CADPS: variants seen among roughly 807,000 people sequenced by gnomAD.
CADPS encodes calcium-dependent secretion activator 1.
CADPS carries 57 observed loss-of-function variants against 167.3 expected under a neutral mutation model. The observed-to-expected ratio is 0.34, with a 90% CI of 0.28 to 0.42. CADPS has a LOEUF of 0.42. Ranked by LOEUF, CADPS falls within the 20% of genes least tolerant of loss-of-function variation. The pLI is 1.00. For synonymous variants in CADPS, 676 were observed against 635.3 expected, an observed-to-expected ratio of 1.06 and a Z score of -0.96; for missense variants, 1,414 against 1,738.1, an observed-to-expected ratio of 0.81 and a Z score of 3.32.
chr3:62,485,692 C>T (rs748514084), intron 21 of CADPS, among the ~76,000 whole-genome samples: 70 of 152,126 alleles, frequency 4.6e-4, no homozygotes, highest in Non-Finnish European at 7.8e-4. Context: ...GGTTCTTTAA[C>T]AAATATGGCA....
intron 1 of CADPS, among the ~76,000 whole-genome samples, chr3:62,828,060 T>A (rs1375414265): frequency 6.6e-6 from 1 of 152,182 alleles, no homozygotes; most frequent in Non-Finnish European, 1.5e-5. Flanking sequence ...TGTGTGGGAC[T>A]GTCCTATGCC....
At chr3:62,831,068 T>C (rs917126531) in intron 1 of CADPS, among the ~76,000 whole-genome samples, 2 of 152,122 alleles carry the variant, frequency 1.3e-5, no homozygotes, top group African/African-American at 4.8e-5. Flanking sequence ...TGATAATAAA[T>C]CACCACCACT....
chr3:62,761,684 G>T (rs978762045), intron 2 of CADPS, among the ~76,000 whole-genome samples: 4 of 151,904 alleles, frequency 2.6e-5, no homozygotes, highest in Non-Finnish European at 5.9e-5. Flanking sequence ...GAGGAGGTGA[G>T]TGTGAGGAGG....
At chr3:62,508,055 T>C (rs1221978566) in intron 17 of CADPS, among the ~76,000 whole-genome samples, 2 of 152,184 alleles carry the variant, frequency 1.3e-5, no homozygotes, top group African/African-American at 4.8e-5. Context: ...TAACAAATCA[T>C]TGAGTGCTCA....
At chr3:62,854,483 CTA>C (rs2153127702) in intron 1 of CADPS, among the ~76,000 whole-genome samples, 1 of 152,248 alleles carries the variant, frequency 6.6e-6, no homozygotes, top group Admixed American at 6.5e-5. Context: ...TGGGAAATGA[CTA>C]TAGGATTGGG....
intron 3 of CADPS, among the ~76,000 whole-genome samples, chr3:62,751,904 A>C (rs1364513577): frequency 6.6e-6 from 1 of 152,236 alleles, no homozygotes; most frequent in East Asian, 1.9e-4. Flanking sequence ...CAACAAGTGC[A>C]AAAACACTGA....
chr3:62,467,130 T>A (rs1158866449), intron 24 of CADPS, among the ~76,000 whole-genome samples: 1 of 152,160 alleles, frequency 6.6e-6, no homozygotes, highest in African/African-American at 2.4e-5. Context: ...AATAAAAATC[T>A]GCTGTAAATG....
rs188222947 is a variant in CADPS, at chr3:62,733,975, G to A, written c.888+19466C>T. Among the ~76,000 whole-genome samples the A allele has an allele frequency of 7.4e-3, 1,122 of 152,066 alleles. 11 individuals carry two copies. Among genetic ancestry groups the A allele is most frequent in the Middle Eastern group, 0.037 (11 of 294 alleles). Reference sequence around the variant, plus strand: ...ATTCCTGAGTTACTTCTTTCATTCCGTTTTACGGTGAGTAGTATTCCATGG... The same window carrying A: ...ATTCCTGAGTTACTTCTTTCATTCCATTTTACGGTGAGTAGTATTCCATGG... On this transcript the variant is annotated intron_variant, in intron 3 of 29. Coordinates refer to ENST00000383710, the MANE Select transcript of CADPS (RefSeq NM_003716.4).
intron 1 of CADPS, among the ~76,000 whole-genome samples, chr3:62,807,599 C>A (rs2094168314): frequency 6.6e-6 from 1 of 151,980 alleles, no homozygotes; most frequent in Non-Finnish European, 1.5e-5. Flanking sequence ...ACACGATAAA[C>A]TCATTTCCAA....
At chr3:62,618,920 G>C (rs753090886) in intron 6 of CADPS, among the ~76,000 whole-genome samples, 1 of 152,184 alleles carries the variant, frequency 6.6e-6, no homozygotes, top group Non-Finnish European at 1.5e-5. Context: ...AGAGCTAACA[G>C]TCTGGATTGT....
chr3:62,755,853 G>C (rs1282263969), intron 2 of CADPS, among the ~76,000 whole-genome samples: 2 of 152,052 alleles, frequency 1.3e-5, no homozygotes, highest in Admixed American at 6.6e-5. Context: ...ACACTTAATG[G>C]GGATGGTTTC....
At chr3:62,550,953 T>C (rs2077228642) in intron 10 of CADPS, 1 of 456,456 alleles carries the variant, frequency 2.2e-6, no homozygotes, top group African/African-American at 2.0e-5. Flanking sequence ...TCCTTAGTCT[T>C]GTCTGGTGGC....
At position 62,514,997 on chromosome 3, in the gene CADPS, G is replaced by T. The variant is rs1384343028; in HGVS notation, c.2581+1062C>A. ...ATTCATTACCACTGGTACACAATTTGCATTGTCAGACAGACAAAATTGAGA... is the reference window on the plus strand; with the variant it reads ...ATTCATTACCACTGGTACACAATTTTCATTGTCAGACAGACAAAATTGAGA... On this transcript the variant is annotated intron_variant, in intron 16 of 29. Transcript: ENST00000383710. This position sits in a 1 kb window ranked among gnomAD's most constrained non-coding sequence, Gnocchi z 4.2. Among the ~76,000 whole-genome samples, 1 of 152,086 alleles carries T rather than the reference G, an allele frequency of 6.6e-6. No homozygotes were observed. Among genetic ancestry groups the T allele is most frequent in the Non-Finnish European group, 1.5e-5 (1 of 67,992 alleles).
At chr3:62,823,586 G>A (rs566117156) in intron 1 of CADPS, among the ~76,000 whole-genome samples, 5 of 152,134 alleles carry the variant, frequency 3.3e-5, no homozygotes, top group African/African-American at 7.2e-5. Context: ...AGATCAATGC[G>A]TATCTCCAGG....
intron 13 of CADPS, 51 bp from the exon 14 acceptor site, chr3:62,518,301 T>A (rs772398677): frequency 7.7e-7 from 1 of 1,291,624 alleles, no homozygotes; most frequent in Admixed American, 1.8e-5. Flanking sequence ...GCTGACACCA[T>A]CAAATCAAAT....
chr3:62,793,170 G>C (rs888589332), intron 1 of CADPS, among the ~76,000 whole-genome samples: 20 of 152,156 alleles, frequency 1.3e-4, no homozygotes, highest in African/African-American at 4.6e-4. Context: ...CAGACCAAAT[G>C]CTGCAAGAAC....
chr3:62,769,389 A>G (rs994583024), intron 1 of CADPS, among the ~76,000 whole-genome samples: 1 of 151,796 alleles, frequency 6.6e-6, no homozygotes, highest in Non-Finnish European at 1.5e-5. Flanking sequence ...GTGCCTCTAC[A>G]GCTGGCTAAT....
At chr3:62,838,822 C>T (rs2076250484) in intron 1 of CADPS, among the ~76,000 whole-genome samples, 1 of 152,060 alleles carries the variant, frequency 6.6e-6, no homozygotes. Context: ...ACAAATCTTG[C>T]CCTAAAATTA....
At chr3:62,609,896 G>C (rs560969515) in intron 6 of CADPS, among the ~76,000 whole-genome samples, 5 of 152,066 alleles carry the variant, frequency 3.3e-5, no homozygotes, top group Admixed American at 6.6e-5. Context: ...TAAGAGAACA[G>C]CCTGGGCATG....
Sources: gnomAD v4.1 joint callset for allele counts (sites outside exome capture counted in the v4.1 genomes callset) on GRCh38, gnomAD v4.1.1 for gene constraint, Gnocchi (gnomAD v3.1) non-coding constraint, MANE v1.5 for transcripts, NCBI Gene and HGNC (gene_info 2026-07-23, HGNC 2026-07-21) for gene names.